The following CACNA2D3 variants were observed in gnomAD, a reference collection of about 807,000 sequenced individuals.
CACNA2D3 encodes the protein voltage-dependent calcium channel subunit alpha-2/delta-3.
A neutral mutation model predicts 160.6 loss-of-function variants in CACNA2D3; 60 were observed. The observed-to-expected ratio is 0.37, with a 90% CI of 0.30 to 0.46. The LOEUF (loss-of-function observed/expected upper bound fraction) is 0.46, where lower values mean the gene tolerates loss of function less well. Ranked by LOEUF, CACNA2D3 falls within the 20% of genes least tolerant of loss-of-function variation. The probability of loss-of-function intolerance (pLI) is 1.00; values close to 1 mark genes in which losing one functional copy is unlikely to be tolerated. For missense variants in CACNA2D3, 1,205 were observed against 1,365.0 expected (o/e 0.88, Z 1.85); for synonymous variants, 558 against 492.9 (o/e 1.13, Z -1.75).
intron 4 of CACNA2D3, among the ~76,000 whole-genome samples, chr3:54,453,793 A>C (rs75131613): frequency 0.041 from 6,214 of 152,254 alleles, 324 homozygotes; most frequent in African/African-American, 0.12. Flanking sequence ...GTGTTGTAAT[A>C]ATATTTGCAC....
chr3:54,479,841 A>G (rs1309740518), intron 4 of CACNA2D3, among the ~76,000 whole-genome samples: 3 of 152,230 alleles, frequency 2.0e-5, no homozygotes, highest in Non-Finnish European at 4.4e-5. Context: ...GTGGGCAGCT[A>G]TTAGTCAAAT....
At chr3:54,138,717 T>C (rs1276421720) in intron 2 of CACNA2D3, among the ~76,000 whole-genome samples, 3 of 152,226 alleles carry the variant, frequency 2.0e-5, no homozygotes, top group Non-Finnish European at 4.4e-5. Flanking sequence ...TGAGTCATAT[T>C]CCATCCTCAT....
intron 27 of CACNA2D3, among the ~76,000 whole-genome samples, chr3:54,960,146 T>G (rs1701997085): frequency 6.6e-6 from 1 of 150,456 alleles, no homozygotes; most frequent in Non-Finnish European, 1.5e-5. Flanking sequence ...CTTCCTACAC[T>G]GGTTCCCAGA....
chr3:54,223,042 G>A (rs1701604205), intron 2 of CACNA2D3, among the ~76,000 whole-genome samples: 1 of 152,002 alleles, frequency 6.6e-6, no homozygotes, highest in South Asian at 2.1e-4. Flanking sequence ...ATTCAGATTT[G>A]TTTACCTTTA....
chr3:54,712,519 C>T (rs1035933587), intron 11 of CACNA2D3, among the ~76,000 whole-genome samples: 15 of 152,118 alleles, frequency 9.9e-5, no homozygotes, highest in Non-Finnish European at 1.9e-4. Context: ...GGGGGATTTT[C>T]CCTGCACAAG....
chr3:54,692,009 C>T (rs1399464497), intron 11 of CACNA2D3, among the ~76,000 whole-genome samples: 1 of 151,366 alleles, frequency 6.6e-6, no homozygotes, highest in African/African-American at 2.4e-5. Flanking sequence ...GACAGAGTCT[C>T]ACTTGTCCAG....
At chr3:54,763,812 C>CGTATATATACGTATATATATGTAT (rs1553838773) in intron 12 of CACNA2D3, among the ~76,000 whole-genome samples, 1 of 41,886 alleles carries the variant, frequency 2.4e-5, no homozygotes, top group Non-Finnish European at 4.3e-5. Context: ...CATATATATA[C>CGTATATATACGTATATATATGTAT]ATATATATAT....
intron 3 of CACNA2D3, among the ~76,000 whole-genome samples, chr3:54,342,911 G>C (rs1441443131): frequency 6.6e-6 from 1 of 152,194 alleles, no homozygotes; most frequent in African/African-American, 2.4e-5. Flanking sequence ...ACCTGCCTCA[G>C]AGGAGCATGA....
At chr3:54,917,357 A>G (rs1200409435) in intron 27 of CACNA2D3, among the ~76,000 whole-genome samples, 1 of 152,178 alleles carries the variant, frequency 6.6e-6, no homozygotes, top group Non-Finnish European at 1.5e-5. Context: ...CCTAAATAAC[A>G]TTGAGGATAG....
chr3:54,149,806 C>T (rs373597915), intron 2 of CACNA2D3, among the ~76,000 whole-genome samples: 7 of 151,582 alleles, frequency 4.6e-5, no homozygotes, highest in South Asian at 4.2e-4. Context: ...AGGGGGAAGA[C>T]GGACAGTGTC....
At chr3:54,598,307 C>CAAAAAAAAAAAAAAAA (rs10656534) in intron 9 of CACNA2D3, among the ~76,000 whole-genome samples, 2 of 49,846 alleles carry the variant, frequency 4.0e-5, no homozygotes, top group African/African-American at 8.1e-5. Context: ...CTCCGTCTCA[C>CAAAAAAAAAAAAAAAA]AAAAAAAAAA....
intron 2 of CACNA2D3, among the ~76,000 whole-genome samples, chr3:54,302,659 T>C (rs1174503606): frequency 2.0e-5 from 3 of 152,162 alleles, no homozygotes; most frequent in Non-Finnish European, 4.4e-5. Flanking sequence ...TTTCCCAAAG[T>C]CTGATGAGGA....
At chr3:54,745,772 C>T (rs1701743000) in intron 11 of CACNA2D3, among the ~76,000 whole-genome samples, 1 of 152,160 alleles carries the variant, frequency 6.6e-6, no homozygotes, top group Non-Finnish European at 1.5e-5. Context: ...ACTTTTATCC[C>T]TTTGGCCAGA....
At chr3:54,460,538 T>C (rs1700483341) in intron 4 of CACNA2D3, among the ~76,000 whole-genome samples, 1 of 152,354 alleles carries the variant, frequency 6.6e-6, no homozygotes, top group East Asian at 1.9e-4. Context: ...TTTGAAGCAA[T>C]TGTGAATGGG....
chr3:54,386,841 AC>A, intron 4 of CACNA2D3, 67 bp downstream of exon 4: 1 of 1,366,434 alleles, frequency 7.3e-7, no homozygotes. Flanking sequence ...TACCAGGTAT[AC>A]CAGGAATACT....
At chr3:54,380,913 T>C (rs968330638) in intron 3 of CACNA2D3, among the ~76,000 whole-genome samples, 1 of 152,210 alleles carries the variant, frequency 6.6e-6, no homozygotes, top group Non-Finnish European at 1.5e-5. Flanking sequence ...CTGGTATTAA[T>C]GACAATTCAA....
intron 11 of CACNA2D3, among the ~76,000 whole-genome samples, chr3:54,713,214 G>T (rs1700986332): frequency 6.6e-6 from 1 of 152,160 alleles, no homozygotes; most frequent in Non-Finnish European, 1.5e-5. Context: ...ATGCTACTTT[G>T]CTCACTGCTA....
intron 2 of CACNA2D3, among the ~76,000 whole-genome samples, chr3:54,241,941 G>A (rs1210312024): frequency 1.3e-5 from 2 of 152,176 alleles, no homozygotes; most frequent in Non-Finnish European, 2.9e-5. Flanking sequence ...AGGATTCAGT[G>A]AGAGTTTGTA....
At chr3:54,212,460 T>A (rs1317463369) in intron 2 of CACNA2D3, among the ~76,000 whole-genome samples, 2 of 152,160 alleles carry the variant, frequency 1.3e-5, no homozygotes, top group Non-Finnish European at 2.9e-5. Flanking sequence ...ATTGTCTGGG[T>A]TATAATGATA....
Sources: gnomAD v4.1 joint callset for allele counts (sites outside exome capture counted in the v4.1 genomes callset) on GRCh38, gnomAD v4.1.1 for gene constraint, MANE v1.5 for transcripts, NCBI Gene and HGNC (gene_info 2026-07-23, HGNC 2026-07-21) for gene names.